ZFHX3: variants seen among roughly 807,000 people sequenced by gnomAD.
ZFHX3 encodes zinc finger homeobox 3.
A neutral mutation model predicts 279.1 loss-of-function variants in ZFHX3; 42 were observed. That is an observed-to-expected ratio of 0.15 (90% confidence interval 0.12 to 0.19). ZFHX3 has a LOEUF of 0.19. Among genes scored for constraint, ZFHX3 ranks in the 10% least tolerant of loss-of-function variants. The pLI, the probability that ZFHX3 is intolerant of heterozygous loss-of-function variation, is 1.00. For missense variants in ZFHX3, 4,981 were observed against 4,754.0 expected (o/e 1.05, Z -1.40); for synonymous variants, 2,293 against 1,957.8 (o/e 1.17, Z -4.52).
intron 1 of ZFHX3, among the ~76,000 whole-genome samples, chr16:73,840,279 T>C (rs1961269247): frequency 6.6e-6 from 1 of 152,118 alleles, no homozygotes; most frequent in Non-Finnish European, 1.5e-5. Flanking sequence ...TCCACCCATG[T>C]CCTTTTGCTG....
chr16:73,200,015 C>T (rs1484020229), intron 5 of ZFHX3, among the ~76,000 whole-genome samples: 5 of 152,062 alleles, frequency 3.3e-5, no homozygotes, highest in South Asian at 2.1e-4. Flanking sequence ...ATGTGTTTGC[C>T]TTTGTTGTAA....
chr16:73,133,246 G>T (rs1324194518), intron 6 of ZFHX3, among the ~76,000 whole-genome samples: 1 of 152,244 alleles, frequency 6.6e-6, no homozygotes, highest in Non-Finnish European at 1.5e-5. Context: ...TCGGGGCTGG[G>T]CGTGGTGGCT....
At chr16:73,148,337 A>G (rs1334072764) in intron 5 of ZFHX3, among the ~76,000 whole-genome samples, 8 of 152,230 alleles carry the variant, frequency 5.3e-5, no homozygotes. Context: ...CAGGTTCAAG[A>G]AACAAATATT....
intron 3 of ZFHX3, among the ~76,000 whole-genome samples, chr16:73,425,939 A>C: frequency 1.0e-5 from 1 of 98,538 alleles, no homozygotes; most frequent in African/African-American, 2.9e-5. Flanking sequence ...CTTCCTTACC[A>C]TTAAAAAAAA....
chr16:73,066,979 G>A (rs1965763114), intron 8 of ZFHX3, among the ~76,000 whole-genome samples: 1 of 152,124 alleles, frequency 6.6e-6, no homozygotes, highest in Non-Finnish European at 1.5e-5. Context: ...TTCCAGCCAA[G>A]GCCTGGGGAG....
chr16:73,311,603 A>G (rs919584208), intron 4 of ZFHX3, among the ~76,000 whole-genome samples: 1 of 144,906 alleles, frequency 6.9e-6, no homozygotes, highest in Non-Finnish European at 1.5e-5. Flanking sequence ...AAAAAAAAAA[A>G]AAAAAAAAAG....
At chr16:73,247,210 T>C (rs1402338695) in intron 5 of ZFHX3, among the ~76,000 whole-genome samples, 1 of 151,754 alleles carries the variant, frequency 6.6e-6, no homozygotes, top group Non-Finnish European at 1.5e-5. Context: ...GGGTATACTG[T>C]GTATAAAATG....
rs144836883 is a variant in ZFHX3, at chr16:73,189,905, G to A, written c.-1103-46074C>T. 5.7e-3 allele frequency among the ~76,000 whole-genome samples: 874 copies of A among 152,104 alleles called. 9 individuals are homozygous for A. The highest frequency in any genetic ancestry group is 0.019 in the African/African-American group (795 of 41,490). On this transcript the variant is annotated intron_variant, in intron 5 of 17. Coordinates refer to the ZFHX3 transcript ENST00000641206. ...GCCCAGGAGTTCAAGACCAGCCTGG[G>A]CAACATAGGGAGACCCTCATCTCTA...
chr16:73,575,839 G>A (rs2051793845), intron 2 of ZFHX3, among the ~76,000 whole-genome samples: 1 of 152,130 alleles, frequency 6.6e-6, no homozygotes, highest in African/African-American at 2.4e-5. Flanking sequence ...CACTGGAGAT[G>A]CTTTGTGCCA....
intron 2 of ZFHX3, among the ~76,000 whole-genome samples, chr16:73,491,029 C>T (rs2019049223): frequency 6.6e-6 from 1 of 152,122 alleles, no homozygotes; most frequent in Non-Finnish European, 1.5e-5. Flanking sequence ...AGTGGATATA[C>T]CTTTGACAAA....
chr16:73,290,052 T>C (rs78675365), intron 4 of ZFHX3, among the ~76,000 whole-genome samples: 7 of 94,732 alleles, frequency 7.4e-5, no homozygotes, highest in South Asian at 4.1e-4. Flanking sequence ...CACACACACA[T>C]ATAGACATTT....
chr16:72,918,201 T>C (rs2039490188), intron 3 of ZFHX3, among the ~76,000 whole-genome samples: 3 of 152,134 alleles, frequency 2.0e-5, no homozygotes, highest in Admixed American at 2.0e-4. Flanking sequence ...AAGGGACCTG[T>C]CAACAAGCAA....
chr16:72,835,073 A>G (rs541289688), intron 4 of ZFHX3, among the ~76,000 whole-genome samples: 4 of 152,240 alleles, frequency 2.6e-5, no homozygotes, highest in Admixed American at 1.3e-4. Flanking sequence ...AGGCTCTCAC[A>G]TGATCATGTT....
At chr16:72,804,040 G>A (rs2036191979) in intron 7 of ZFHX3, among the ~76,000 whole-genome samples, 1 of 152,202 alleles carries the variant, frequency 6.6e-6, no homozygotes, top group African/African-American at 2.4e-5. Flanking sequence ...GCCAACAGTG[G>A]CTCTGATATA....
intron 2 of ZFHX3, among the ~76,000 whole-genome samples, chr16:72,953,246 C>T (rs756628994): frequency 6.6e-6 from 1 of 150,578 alleles, no homozygotes; most frequent in Non-Finnish European, 1.5e-5. Flanking sequence ...GTGAGAGGAA[C>T]CATAACTATG....
chr16:73,725,540 A>AGTGTGTGTGTGTGTGTGT (rs35247672), intron 1 of ZFHX3, among the ~76,000 whole-genome samples: 2 of 148,358 alleles, frequency 1.3e-5, no homozygotes. Context: ...AGTGTGAGTG[A>AGTGTGTGTGTGTGTGTGT]GTGTGTGTGT....
At chr16:72,996,564 A>G (rs963061705) in intron 1 of ZFHX3, among the ~76,000 whole-genome samples, 11 of 152,222 alleles carry the variant, frequency 7.2e-5, no homozygotes, top group African/African-American at 2.7e-4. Context: ...TCTCTACAAA[A>G]AGAGACAAAC....
At chr16:73,307,615 C>T (rs940811988) in intron 4 of ZFHX3, among the ~76,000 whole-genome samples, 2 of 152,212 alleles carry the variant, frequency 1.3e-5, no homozygotes, top group Non-Finnish European at 2.9e-5. Flanking sequence ...GAAATAGGCT[C>T]ATTCTCAAGA....
intron 5 of ZFHX3, among the ~76,000 whole-genome samples, chr16:73,227,848 CAAAAAAAAAAA>C (rs398029895): frequency 4.3e-5 from 2 of 46,042 alleles, no homozygotes; most frequent in African/African-American, 2.1e-4. Flanking sequence ...GATTCTGTCT[CAAAAAAAAAAA>C]AAAAAAAAAA....
Sources: allele counts gnomAD v4.1 joint callset (sites outside exome capture counted in the v4.1 genomes callset), GRCh38; gene constraint gnomAD v4.1.1; transcripts MANE v1.5; gene names NCBI Gene and HGNC (gene_info 2026-07-23, HGNC 2026-07-21).